The following TCF7L2 variants were observed in gnomAD, a reference collection of about 807,000 sequenced individuals.
The protein encoded by TCF7L2 is transcription factor 7 like 2.
In TCF7L2, 23 loss-of-function variants were observed where a neutral mutation model predicts 77.9. That is an observed-to-expected ratio of 0.30 (90% confidence interval 0.21 to 0.42). The LOEUF is 0.42. Ranked by LOEUF, TCF7L2 falls within the 10% of genes least tolerant of loss-of-function variation. TCF7L2 has a pLI of 1.00. For missense variants in TCF7L2, 654 were observed against 793.1 expected (o/e 0.82, Z 2.11); for synonymous variants, 413 against 340.2 (o/e 1.21, Z -2.36).
intron 5 of TCF7L2, among the ~76,000 whole-genome samples, chr10:113,081,222 A>G (rs1460745656): frequency 1.3e-5 from 2 of 152,200 alleles, no homozygotes; most frequent in African/African-American, 4.8e-5. Flanking sequence ...ATTACCTAGT[A>G]CACATCACAA....
chr10:113,013,740 C>CT (rs2046853011), intron 4 of TCF7L2, among the ~76,000 whole-genome samples: 1 of 152,126 alleles, frequency 6.6e-6, no homozygotes, highest in Non-Finnish European at 1.5e-5. Context: ...CCCACTTTCT[C>CT]CTGATCTGAG....
chr10:113,153,245 C>T (rs1437229324), intron 11 of TCF7L2, among the ~76,000 whole-genome samples: 1 of 152,272 alleles, frequency 6.6e-6, no homozygotes, highest in Non-Finnish European at 1.5e-5. Context: ...TCACTTCTCA[C>T]CATTGCTGGT....
At chr10:113,065,332 G>C (rs1471223496) in intron 5 of TCF7L2, among the ~76,000 whole-genome samples, 1 of 152,254 alleles carries the variant, frequency 6.6e-6, no homozygotes, top group Non-Finnish European at 1.5e-5. Flanking sequence ...CAAGGGCAGA[G>C]ACCAGAAGAC....
At chr10:113,049,382 G>A (rs2054011342) in intron 5 of TCF7L2, among the ~76,000 whole-genome samples, 1 of 151,922 alleles carries the variant, frequency 6.6e-6, no homozygotes, top group Admixed American at 6.6e-5. Flanking sequence ...TCAAACCTTG[G>A]GTGGCATCGT....
chr10:112,972,171 C>T (rs1356500829), intron 4 of TCF7L2, among the ~76,000 whole-genome samples: 1 of 152,008 alleles, frequency 6.6e-6, no homozygotes, highest in Non-Finnish European at 1.5e-5. Context: ...TTTCACTAGC[C>T]AAATAAAAAG....
intron 5 of TCF7L2, among the ~76,000 whole-genome samples, chr10:113,115,609 T>C (rs924652430): frequency 6.6e-6 from 1 of 152,172 alleles, no homozygotes; most frequent in African/African-American, 2.4e-5. Context: ...CTTGTGTTTT[T>C]CCCCCCACCA....
At chr10:113,147,958 G>C (rs1221820685) in intron 8 of TCF7L2, among the ~76,000 whole-genome samples, 1 of 152,156 alleles carries the variant, frequency 6.6e-6, no homozygotes, top group Non-Finnish European at 1.5e-5. Flanking sequence ...ATGAAAGATA[G>C]CTAGTTAAAA....
chr10:113,024,662 C>A (rs927412671), intron 4 of TCF7L2, among the ~76,000 whole-genome samples: 1 of 148,674 alleles, frequency 6.7e-6, no homozygotes, highest in Non-Finnish European at 1.5e-5. Context: ...GCTTGTTCCC[C>A]AGGCTGGAAT....
intron 5 of TCF7L2, among the ~76,000 whole-genome samples, chr10:113,061,067 C>G (rs181517012): frequency 7.9e-5 from 12 of 152,044 alleles, no homozygotes; most frequent in Non-Finnish European, 1.5e-4. Context: ...GTGCGTTTAC[C>G]CTCCTCCCTT....
chr10:113,133,802 G>C (rs2066966682), intron 5 of TCF7L2, among the ~76,000 whole-genome samples: 1 of 152,170 alleles, frequency 6.6e-6, no homozygotes, highest in Admixed American at 6.5e-5. Context: ...GAGAGGGAGA[G>C]AAATAAAAGC....
At chr10:113,120,004 C>T (rs1032985220) in intron 5 of TCF7L2, among the ~76,000 whole-genome samples, 7 of 152,148 alleles carry the variant, frequency 4.6e-5, no homozygotes, top group Admixed American at 4.6e-4. Context: ...CCTTTCTCGC[C>T]ATTTGAAATG....
chr10:112,973,479 G>C (rs1446301990), intron 4 of TCF7L2, among the ~76,000 whole-genome samples: 3 of 152,170 alleles, frequency 2.0e-5, no homozygotes, highest in African/African-American at 7.2e-5. Context: ...TGAGGCATCT[G>C]GTCTAGGGGA....
At chr10:113,150,918 TTC>T (rs1491004482) in intron 8 of TCF7L2, 78 bp from the exon 9 acceptor site, 2 of 1,559,056 alleles carry the variant, frequency 1.3e-6, no homozygotes, top group East Asian at 2.3e-5. Flanking sequence ...GTTTTTTTTT[TTC>T]TTTTTAATTG....
At chr10:113,007,985 G>A (rs1268899793) in intron 4 of TCF7L2, among the ~76,000 whole-genome samples, 1 of 152,194 alleles carries the variant, frequency 6.6e-6, no homozygotes, top group Non-Finnish European at 1.5e-5. Flanking sequence ...TGGGGCTTGG[G>A]GAAGCGTGCA....
intron 4 of TCF7L2, among the ~76,000 whole-genome samples, chr10:112,997,080 G>T (rs112911918): frequency 2.5e-3 from 383 of 152,346 alleles, no homozygotes; most frequent in African/African-American, 8.7e-3. Flanking sequence ...GGCAGCAGGT[G>T]TCTGAAGAGA....
intron 4 of TCF7L2, among the ~76,000 whole-genome samples, chr10:112,990,142 C>CATTT (rs1358095127): frequency 1.3e-5 from 2 of 152,160 alleles, no homozygotes; most frequent in Non-Finnish European, 2.9e-5. Context: ...TGGCTACAGT[C>CATTT]ATTTCTTCAT....
At chr10:113,022,591 G>C (rs1383882716) in intron 4 of TCF7L2, among the ~76,000 whole-genome samples, 1 of 152,116 alleles carries the variant, frequency 6.6e-6, no homozygotes, top group Non-Finnish European at 1.5e-5. Context: ...GTTAATACGC[G>C]TATCTGCAGA....
At chr10:113,114,493 C>T (rs149522162) in intron 5 of TCF7L2, among the ~76,000 whole-genome samples, 43 of 152,190 alleles carry the variant, frequency 2.8e-4, no homozygotes, top group African/African-American at 9.9e-4. Context: ...AAGGAGAAGT[C>T]AGGGCATTAG....
intron 5 of TCF7L2, among the ~76,000 whole-genome samples, chr10:113,098,820 G>A (rs755686866): frequency 6.6e-6 from 1 of 152,180 alleles, no homozygotes; most frequent in Non-Finnish European, 1.5e-5. Context: ...TTGCCACCAC[G>A]TAGGACACAG....
Sources: allele counts gnomAD v4.1 joint callset (sites outside exome capture counted in the v4.1 genomes callset), GRCh38; gene constraint gnomAD v4.1.1; transcripts MANE v1.5; gene names NCBI Gene and HGNC (gene_info 2026-07-23, HGNC 2026-07-21).